The following COBL variants were observed in gnomAD, a reference collection of about 807,000 sequenced individuals.
COBL encodes the protein protein cordon-bleu.
COBL carries 51 observed loss-of-function variants against 98.8 expected under a neutral mutation model. The ratio of observed to expected loss-of-function variants is 0.52; its 90% CI spans 0.41 to 0.65. The LOEUF (loss-of-function observed/expected upper bound fraction) is 0.65. COBL is among the 30% of genes least tolerant of loss of function. COBL has a pLI of 0.00. For synonymous variants in COBL, 634 were observed against 651.7 expected (o/e 0.97, Z 0.41); for missense variants, 1,617 against 1,617.5 (o/e 1.00, Z 0.01).
At chr7:51,220,246 G>A (rs1043544342) in intron 1 of COBL, among the ~76,000 whole-genome samples, 1 of 152,106 alleles carries the variant, frequency 6.6e-6, no homozygotes, top group Non-Finnish European at 1.5e-5. Context: ...GCAGGGTTTC[G>A]CCCGACCCTT....
intron 1 of COBL, among the ~76,000 whole-genome samples, chr7:51,314,734 A>G (rs1207901466): frequency 1.3e-5 from 2 of 152,242 alleles, no homozygotes; most frequent in Non-Finnish European, 2.9e-5. Flanking sequence ...AGATGTTCGG[A>G]CAAGTAAATT....
In COBL at chr7:51,314,819, T is replaced by C. The variant is rs143803342; in HGVS notation, c.41+1774A>G. Among the ~76,000 whole-genome samples the C allele has an allele frequency of 7.6e-3, 1,163 of 152,332 alleles. 13 individuals are homozygous for C. The highest frequency in any genetic ancestry group is 0.026 in the African/African-American group (1,092 of 41,572). On this transcript the variant is annotated intron_variant, in intron 1 of 12. Coordinates refer to ENST00000265136, the MANE Select transcript of COBL (RefSeq NM_015198.5). Reference sequence around the variant, plus strand: ...TCATGTTTTCCATAGCAAAAATCCTTAGTTTTACTTTGCAATTCAAATATG... The same window carrying C: ...TCATGTTTTCCATAGCAAAAATCCTCAGTTTTACTTTGCAATTCAAATATG...
chr7:51,050,567 CCAAT>C (rs2128896256), intron 7 of COBL, among the ~76,000 whole-genome samples: 1 of 152,286 alleles, frequency 6.6e-6, no homozygotes, highest in African/African-American at 2.4e-5. Flanking sequence ...CCATGCTGGA[CCAAT>C]CAAAGTCCTT....
intron 1 of COBL, among the ~76,000 whole-genome samples, chr7:51,275,530 T>TG (rs1227916027): frequency 6.6e-6 from 1 of 152,092 alleles, no homozygotes; most frequent in Admixed American, 6.6e-5. Context: ...AGAGCAGGTC[T>TG]GGGGGGAATT....
At chr7:51,077,809 G>A (rs1793238322) in intron 7 of COBL, among the ~76,000 whole-genome samples, 1 of 152,278 alleles carries the variant, frequency 6.6e-6, no homozygotes, top group Middle Eastern at 3.4e-3. Flanking sequence ...GTAGGTGGAG[G>A]CTAGATTTGA....
intron 5 of COBL, among the ~76,000 whole-genome samples, chr7:51,174,588 A>G (rs1788185333): frequency 6.6e-6 from 1 of 152,166 alleles, no homozygotes; most frequent in Non-Finnish European, 1.5e-5. Flanking sequence ...GCCATCTGCT[A>G]TGTGGGCTCC....
chr7:51,190,789 A>T, intron 4 of COBL, 61 bp downstream of exon 4: 1 of 1,362,576 alleles, frequency 7.3e-7, no homozygotes, highest in Admixed American at 1.8e-5. Context: ...AACAGGGGAC[A>T]TGTACACGCC....
At chr7:51,305,772 T>C (rs577830494) in intron 1 of COBL, among the ~76,000 whole-genome samples, 2 of 144,320 alleles carry the variant, frequency 1.4e-5, no homozygotes, top group East Asian at 2.0e-4. Context: ...TGGTGGCTCA[T>C]GCCTGTAATC....
At chr7:51,170,528 T>A (rs983760359) in intron 5 of COBL, among the ~76,000 whole-genome samples, 4 of 142,726 alleles carry the variant, frequency 2.8e-5, no homozygotes, top group Non-Finnish European at 3.0e-5. Flanking sequence ...TATATATATA[T>A]ATAAATATAT....
At chr7:51,308,341 AT>A (rs1312542139) in intron 1 of COBL, among the ~76,000 whole-genome samples, 1 of 152,174 alleles carries the variant, frequency 6.6e-6, no homozygotes, top group East Asian at 1.9e-4. Flanking sequence ...GCCAGAACTG[AT>A]TTGGTAATCT....
chr7:51,125,910 A>G (rs1798158873), intron 6 of COBL, among the ~76,000 whole-genome samples: 1 of 152,204 alleles, frequency 6.6e-6, no homozygotes, highest in Non-Finnish European at 1.5e-5. Flanking sequence ...TTCCCAGTGA[A>G]TCTTTCCATT....
intron 5 of COBL, among the ~76,000 whole-genome samples, chr7:51,153,949 T>C (rs1210241961): frequency 6.6e-6 from 1 of 152,218 alleles, no homozygotes; most frequent in African/African-American, 2.4e-5. Flanking sequence ...GACTGGCCTG[T>C]AGAGACCTCA....
At chr7:51,108,870 T>A (rs1796558374) in intron 6 of COBL, among the ~76,000 whole-genome samples, 1 of 150,918 alleles carries the variant, frequency 6.6e-6, no homozygotes, top group African/African-American at 2.4e-5. Flanking sequence ...CCTGCCTACT[T>A]CTCCCATCAT....
intron 1 of COBL, among the ~76,000 whole-genome samples, chr7:51,283,515 G>A (rs1055819964): frequency 2.6e-5 from 4 of 152,024 alleles, no homozygotes; most frequent in African/African-American, 4.8e-5. Context: ...ATGGAGTTTC[G>A]CTCTTGTTGC....
intron 7 of COBL, among the ~76,000 whole-genome samples, chr7:51,067,064 TGCAAAGCCTGCC>T (rs1202316417): frequency 6.6e-6 from 1 of 152,150 alleles, no homozygotes; most frequent in Non-Finnish European, 1.5e-5. Flanking sequence ...TCAGAATCCT[TGCAAAGCCTGCC>T]AGTGACCGAA....
intron 4 of COBL, among the ~76,000 whole-genome samples, chr7:51,185,664 A>C (rs567878529): frequency 4.6e-5 from 7 of 152,246 alleles, no homozygotes; most frequent in Non-Finnish European, 7.3e-5. Flanking sequence ...CTGCCAACTG[A>C]TAGCAAGAGC....
intron 1 of COBL, among the ~76,000 whole-genome samples, chr7:51,263,458 C>T (rs1395290675): frequency 2.0e-5 from 3 of 152,174 alleles, no homozygotes; most frequent in Non-Finnish European, 4.4e-5. Flanking sequence ...GGAAGGAAAT[C>T]AGAAGAGCAT....
intron 5 of COBL, among the ~76,000 whole-genome samples, chr7:51,154,357 C>T (rs182830254): frequency 2.2e-4 from 33 of 152,224 alleles, no homozygotes; most frequent in Admixed American, 9.8e-4. Context: ...GGTCAGGGCA[C>T]GGAGGGCCAA....
chr7:51,126,920 C>A (rs1388173736), intron 6 of COBL, among the ~76,000 whole-genome samples: 1 of 152,180 alleles, frequency 6.6e-6, no homozygotes, highest in Non-Finnish European at 1.5e-5. Context: ...CTCGCATGAG[C>A]CTCCTTAGCT....
Sources: allele counts gnomAD v4.1 joint callset (sites outside exome capture counted in the v4.1 genomes callset), GRCh38; gene constraint gnomAD v4.1.1; transcripts MANE v1.5; gene names NCBI Gene and HGNC (gene_info 2026-07-23, HGNC 2026-07-21).